The following ADSS1 variants were observed in gnomAD, a reference collection of about 807,000 sequenced individuals.
The protein encoded by ADSS1 is adenylosuccinate synthetase isozyme 1.
In ADSS1, 57 loss-of-function variants were observed where a neutral mutation model predicts 59.1. The ratio of observed to expected loss-of-function variants is 0.97; its 90% CI spans 0.78 to 1.20. The LOEUF (loss-of-function observed/expected upper bound fraction) is 1.20, where lower values mean the gene tolerates loss of function less well. Among genes scored for constraint, ADSS1 ranks in the 50% most tolerant of loss-of-function variants. ADSS1 has a pLI of 0.00. For synonymous variants in ADSS1, 247 were observed against 249.4 expected (o/e 0.99, Z 0.09); for missense variants, 603 against 610.3 (o/e 0.99, Z 0.13).
At chr14:104,741,452 G>C (rs963005054) in intron 8 of ADSS1, among the ~76,000 whole-genome samples, 1 of 152,202 alleles carries the variant, frequency 6.6e-6, no homozygotes, top group Non-Finnish European at 1.5e-5. Flanking sequence ...CTGGGCTAGA[G>C]ATGAAAGAAC....
intron 2 of ADSS1, 112 bp downstream of exon 2, chr14:104,735,234 A>T: frequency 5.0e-6 from 5 of 995,284 alleles, no homozygotes; most frequent in Non-Finnish European, 7.5e-6. Flanking sequence ...CTGCTCTAGC[A>T]GTAGGCTGGA....
chr14:104,730,332 A>G, intron 1 of ADSS1: 1 of 1,176,562 alleles, frequency 8.5e-7, no homozygotes, highest in Non-Finnish European at 1.1e-6. Context: ...TCTACTAAAA[A>G]TACAAAAATT....
Position 104,733,171 on chromosome 14 carries a change from T to C in ADSS1, c.193-1849T>C, listed in dbSNP as rs112507873. 3.0e-3 allele frequency among the ~76,000 whole-genome samples: 450 copies of C among 152,172 alleles called. 2 individuals are homozygous for C. The highest frequency in any genetic ancestry group is 0.01 in the African/African-American group (427 of 41,512). On this transcript the variant is annotated intron_variant, in intron 1 of 12. Coordinates refer to ENST00000330877, the MANE Select transcript of ADSS1 (RefSeq NM_152328.5). ...CCACCCTCCCTCCTGCCACCAGGCT[T>C]CCTGCATCTCTCCACCTCCCAGGAT...
At chr14:104,729,415 G>C (rs1157817253) in intron 1 of ADSS1, among the ~76,000 whole-genome samples, 2 of 152,226 alleles carry the variant, frequency 1.3e-5, no homozygotes, top group Admixed American at 6.5e-5. Flanking sequence ...GGGCAGTGTG[G>C]AGGTGAGGAG....
At chr14:104,736,464 G>A (rs1048072369) in intron 2 of ADSS1, among the ~76,000 whole-genome samples, 2 of 152,226 alleles carry the variant, frequency 1.3e-5, no homozygotes, top group Non-Finnish European at 2.9e-5. Flanking sequence ...GCAACACTCC[G>A]GGCCTCTGCC....
intron 10 of ADSS1, chr14:104,744,282 A>C (rs1274321933): frequency 1.9e-5 from 3 of 154,008 alleles, no homozygotes; most frequent in African/African-American, 7.2e-5. Flanking sequence ...GGCAGAGATG[A>C]GGTGCAGGGC....
intron 1 of ADSS1, among the ~76,000 whole-genome samples, chr14:104,734,809 G>A (rs1014931767): frequency 6.6e-6 from 1 of 152,196 alleles, no homozygotes; most frequent in African/African-American, 2.4e-5. Context: ...CCCGACCCAG[G>A]CCCCTGACCA....
At chr14:104,730,395 T>G (rs1349308215) in intron 1 of ADSS1, among the ~76,000 whole-genome samples, 1 of 151,276 alleles carries the variant, frequency 6.6e-6, no homozygotes, top group Non-Finnish European at 1.5e-5. Flanking sequence ...GAGGGTGAGG[T>G]GGTAGAATAG....
intron 1 of ADSS1, among the ~76,000 whole-genome samples, chr14:104,729,483 G>A (rs1417941751): frequency 1.3e-5 from 2 of 151,332 alleles, no homozygotes; most frequent in Non-Finnish European, 2.9e-5. Context: ...TGGCGTCGGC[G>A]TGGGAGGGAG....
At chr14:104,730,199 C>T in intron 1 of ADSS1, 1 of 1,519,846 alleles carries the variant, frequency 6.6e-7, no homozygotes, top group South Asian at 1.2e-5. Flanking sequence ...ATCCTTAACA[C>T]CTGGAGGGGA....
intron 1 of ADSS1, among the ~76,000 whole-genome samples, chr14:104,730,911 G>A (rs943485118): frequency 2.1e-5 from 3 of 145,128 alleles, no homozygotes; most frequent in African/African-American, 2.6e-5. Flanking sequence ...CAGCTGGCAC[G>A]GATGTCCCCT....
intron 2 of ADSS1, among the ~76,000 whole-genome samples, chr14:104,736,474 C>T (rs887714536): frequency 3.9e-5 from 6 of 152,242 alleles, no homozygotes; most frequent in Admixed American, 2.0e-4. Context: ...GGGCCTCTGC[C>T]GCGTGTTTAT....
chr14:104,728,322 A>G (rs922114152), intron 1 of ADSS1, among the ~76,000 whole-genome samples: 1 of 152,042 alleles, frequency 6.6e-6, no homozygotes, highest in Non-Finnish European at 1.5e-5. Flanking sequence ...GGTGCTGGTT[A>G]CTGGGCCGTG....
intron 1 of ADSS1, chr14:104,729,918 C>A (rs1463742289): frequency 6.5e-7 from 1 of 1,540,058 alleles, no homozygotes; most frequent in Admixed American, 2.0e-5. Context: ...TGTGGGGTGG[C>A]AACCCAGAGG....
rs1891313673 is a variant in ADSS1 at position 104,740,713 on chromosome 14, C to T, written c.584+5C>T. ...TTTTGATGAGTTTTCCTCCAGGTACCTGAGCCGTCTGCAGTCCCCGGGGAG... is the reference window on the plus strand; with the variant it reads ...TTTTGATGAGTTTTCCTCCAGGTACTTGAGCCGTCTGCAGTCCCCGGGGAG... On this transcript the variant is annotated splice_donor_5th_base_variant and intron_variant, in intron 6 of 12. Transcript: ENST00000330877. The surrounding 1 kb of genome is among the most constrained non-coding windows in gnomAD (Gnocchi z 4.8). 1 of 1,613,838 alleles carries T rather than the reference C, an allele frequency of 6.2e-7. No individual in the cohort carries two copies.
chr14:104,735,800 G>A (rs1020328597), intron 2 of ADSS1, among the ~76,000 whole-genome samples: 1 of 152,142 alleles, frequency 6.6e-6, no homozygotes, highest in Non-Finnish European at 1.5e-5. Flanking sequence ...TCCTTCTCTC[G>A]GTCAGAAGCC....
chr14:104,743,710 A>T (rs1891458006), intron 10 of ADSS1, among the ~76,000 whole-genome samples: 1 of 152,230 alleles, frequency 6.6e-6, no homozygotes, highest in African/African-American at 2.4e-5. Flanking sequence ...TGTGAGTCGC[A>T]CATCTTTCAC....
intron 10 of ADSS1, 134 bp downstream of exon 10, chr14:104,743,325 T>TA: frequency 1.5e-6 from 2 of 1,354,654 alleles, no homozygotes; most frequent in African/African-American, 2.9e-5. Context: ...TCTCGACCCT[T>TA]CCACAAAGCA....
intron 4 of ADSS1, 114 bp downstream of exon 4, chr14:104,739,492 C>A: frequency 8.2e-7 from 1 of 1,221,586 alleles, no homozygotes; most frequent in Non-Finnish European, 1.2e-6. Context: ...CTTCTTGCTC[C>A]ACATGGCTCC....
Sources: gnomAD v4.1 joint callset for allele counts (sites outside exome capture counted in the v4.1 genomes callset) on GRCh38, gnomAD v4.1.1 for gene constraint, Gnocchi (gnomAD v3.1) non-coding constraint, MANE v1.5 for transcripts, NCBI Gene and HGNC (gene_info 2026-07-23, HGNC 2026-07-21) for gene names.